Variants in NBAS observed in about 807,000 individuals in gnomAD.
NBAS encodes NAG/BC035112 fusion.
Under a neutral mutation model 302.5 loss-of-function variants are expected in NBAS, and 219 were observed. The observed-to-expected ratio is 0.72, with a 90% CI of 0.65 to 0.81. The LOEUF (loss-of-function observed/expected upper bound fraction) is 0.81, where lower values mean the gene tolerates loss of function less well. Ranked by LOEUF, NBAS falls within the 30% of genes least tolerant of loss-of-function variation. The pLI, the probability that NBAS is intolerant of heterozygous loss-of-function variation, is 0.00. For synonymous variants in NBAS, 1,118 were observed against 1,021.6 expected (o/e 1.09, Z -1.80); for missense variants, 2,932 against 2,841.6 (o/e 1.03, Z -0.72).
At chr2:15,338,710 C>CAT (rs1553375255) in intron 35 of NBAS, among the ~76,000 whole-genome samples, 3 of 148,746 alleles carry the variant, frequency 2.0e-5, no homozygotes, top group Non-Finnish European at 4.5e-5. Context: ...CACACACACA[C>CAT]ATCAAATTAG....
the NBAS span, among the ~76,000 whole-genome samples, chr2:15,144,987 A>C: frequency 6.6e-6 from 1 of 151,322 alleles, no homozygotes; most frequent in Non-Finnish European, 1.5e-5. Flanking sequence ...GCTTTCCATG[A>C]GGTTAAGCTA....
rs1412392091 is a variant in NBAS at position 15,442,816 on chromosome 2, G to A, written c.2340-15022C>T. On this transcript the variant is annotated intron_variant, in intron 21 of 51. Transcript: ENST00000281513. ...ATAGACGCAATAAAAAATGATAAAG[G>A]GGATATCACCACCGATCCCACAGAA... Among the ~76,000 whole-genome samples the A allele has an allele frequency of 9.9e-5, 15 of 151,246 alleles. No individual in the cohort carries two copies. In the East Asian group the frequency reaches 2.9e-3, roughly 30 times the overall value.
chr2:15,038,710 G>A, the NBAS span, among the ~76,000 whole-genome samples: 1 of 46,064 alleles, frequency 2.2e-5, no homozygotes, highest in African/African-American at 1.2e-4. Flanking sequence ...ACAAGCAGCA[G>A]TAGCCTATTT....
At chr2:14,833,278 C>T in the NBAS span, among the ~76,000 whole-genome samples, 4 of 152,074 alleles carry the variant, frequency 2.6e-5, no homozygotes, top group Admixed American at 6.6e-5. Context: ...AAGTCCATAC[C>T]GATACATAAT....
intron 44 of NBAS, among the ~76,000 whole-genome samples, chr2:15,275,276 C>T (rs569357187): frequency 6.6e-6 from 1 of 152,118 alleles, no homozygotes; most frequent in Non-Finnish European, 1.5e-5. Context: ...ATAGTCATCT[C>T]TATTTTAGCA....
At chr2:15,034,289 A>AAAGAAAGG in the NBAS span, among the ~76,000 whole-genome samples, 4 of 99,268 alleles carry the variant, frequency 4.0e-5, no homozygotes, top group Non-Finnish European at 8.4e-5. Context: ...AGAAAGAAAG[A>AAAGAAAGG]AAGAAAGAAA....
the NBAS span, among the ~76,000 whole-genome samples, chr2:15,070,893 C>A: frequency 6.6e-6 from 1 of 152,282 alleles, no homozygotes; most frequent in South Asian, 2.1e-4. Context: ...ACAGCAGCAC[C>A]TACATGGGCC....
intron 7 of NBAS, among the ~76,000 whole-genome samples, chr2:15,538,597 C>T (rs1013830683): frequency 2.6e-5 from 4 of 152,154 alleles, no homozygotes; most frequent in African/African-American, 7.2e-5. Context: ...AACCACTGTT[C>T]TATCTGACCC....
chr2:14,958,830 C>A, the NBAS span, among the ~76,000 whole-genome samples: 10 of 152,036 alleles, frequency 6.6e-5, no homozygotes, highest in Non-Finnish European at 1.2e-4. Context: ...GGGGATCTAC[C>A]AGGTCCATAA....
At chr2:15,480,208 G>T (rs1033284973) in intron 12 of NBAS, among the ~76,000 whole-genome samples, 1 of 152,038 alleles carries the variant, frequency 6.6e-6, no homozygotes, top group Non-Finnish European at 1.5e-5. Flanking sequence ...AGGCACAGTG[G>T]CACACTTCTG....
At chr2:15,124,061 C>T in the NBAS span, among the ~76,000 whole-genome samples, 1 of 152,134 alleles carries the variant, frequency 6.6e-6, no homozygotes, top group African/African-American at 2.4e-5. Flanking sequence ...CGGTGAATTC[C>T]AGGCTGACAA....
intron 21 of NBAS, among the ~76,000 whole-genome samples, chr2:15,446,666 C>T (rs886733536): frequency 1.3e-5 from 2 of 151,908 alleles, no homozygotes; most frequent in African/African-American, 4.8e-5. Flanking sequence ...TAAAAAATTA[C>T]TGATAAGAGC....
intron 47 of NBAS, among the ~76,000 whole-genome samples, chr2:15,229,931 T>G (rs1417389657): frequency 6.6e-6 from 1 of 152,112 alleles, no homozygotes; most frequent in East Asian, 1.9e-4. Context: ...CCAGGAATAT[T>G]GTGGGATAGT....
the NBAS span, among the ~76,000 whole-genome samples, chr2:15,104,483 G>C: frequency 6.8e-6 from 1 of 147,778 alleles, no homozygotes; most frequent in African/African-American, 2.6e-5. Context: ...CGGTGTTACA[G>C]GATTATTTAT....
chr2:15,394,849 C>CG (rs1414408014), intron 27 of NBAS, among the ~76,000 whole-genome samples: 1 of 152,058 alleles, frequency 6.6e-6, no homozygotes, highest in Non-Finnish European at 1.5e-5. Context: ...TTCTCTCTGT[C>CG]TCATAAGAAT....
the NBAS span, among the ~76,000 whole-genome samples, chr2:14,791,043 C>T: frequency 1.1e-4 from 16 of 152,056 alleles, no homozygotes; most frequent in African/African-American, 2.7e-4. Flanking sequence ...TTAGTAGAGA[C>T]GGGGTTTCTC....
At chr2:15,252,017 T>G (rs1338231870) in intron 44 of NBAS, among the ~76,000 whole-genome samples, 3 of 152,206 alleles carry the variant, frequency 2.0e-5, no homozygotes, top group African/African-American at 7.2e-5. Context: ...CCCTGCATAC[T>G]GAGCTGATGA....
the NBAS span, among the ~76,000 whole-genome samples, chr2:14,956,838 T>C: frequency 6.6e-6 from 1 of 152,136 alleles, no homozygotes; most frequent in African/African-American, 2.4e-5. Context: ...GAGATTTGGG[T>C]GGGGACACAG....
At chr2:15,554,219 A>G (rs1664533998) in intron 3 of NBAS, 81 bp from the exon 4 acceptor site, 1 of 1,125,812 alleles carries the variant, frequency 8.9e-7, no homozygotes, top group African/African-American at 1.5e-5. Flanking sequence ...ATATACTTAT[A>G]GAGAGAGACA....
Sources: allele counts gnomAD v4.1 joint callset (sites outside exome capture counted in the v4.1 genomes callset), GRCh38; gene constraint gnomAD v4.1.1; transcripts MANE v1.5; gene names NCBI Gene and HGNC (gene_info 2026-07-23, HGNC 2026-07-21).